Variants in ABCA13 observed in about 807,000 individuals in gnomAD.
The protein encoded by ABCA13 is ATP-binding cassette sub-family A member 13.
A neutral mutation model predicts 478.7 loss-of-function variants in ABCA13; 476 were observed. That is an observed-to-expected ratio of 0.99 (90% CI 0.92 to 1.07). The LOEUF (loss-of-function observed/expected upper bound fraction) is 1.07. ABCA13 is among the 50% of genes least tolerant of loss of function. The pLI is 0.00. For missense variants in ABCA13, 6,060 were observed against 5,910.6 expected (o/e 1.03, Z -0.83); for synonymous variants, 2,252 against 2,158.9 (o/e 1.04, Z -1.20).
intron 47 of ABCA13, 120 bp from the exon 48 acceptor site, chr7:48,489,116 C>G: frequency 1.4e-6 from 1 of 731,692 alleles, no homozygotes; most frequent in Non-Finnish European, 2.3e-6. Flanking sequence ...TACTTTGAAT[C>G]CTGCACTCAG....
At chr7:48,562,960 A>G (rs73111425) in intron 55 of ABCA13, among the ~76,000 whole-genome samples, 6 of 48,566 alleles carry the variant, frequency 1.2e-4, no homozygotes, top group African/African-American at 1.1e-3. Flanking sequence ...GTATGTGTGT[A>G]TATATATATA....
intron 23 of ABCA13, among the ~76,000 whole-genome samples, chr7:48,304,565 A>G (rs1409295530): frequency 2.0e-5 from 3 of 152,046 alleles, no homozygotes. Context: ...GCATTTCTCT[A>G]ATGATCAGCG....
At chr7:48,489,808 G>A (rs145203956) in intron 48 of ABCA13, among the ~76,000 whole-genome samples, 19 of 152,242 alleles carry the variant, frequency 1.2e-4, no homozygotes, top group Admixed American at 1.0e-3. Flanking sequence ...CATTATCTAT[G>A]CTTTCTTATT....
chr7:48,441,051 C>G (rs1000026649), intron 42 of ABCA13, among the ~76,000 whole-genome samples: 1 of 152,048 alleles, frequency 6.6e-6, no homozygotes, highest in Non-Finnish European at 1.5e-5. Flanking sequence ...AGAAGTAAGT[C>G]TAGGATGCAT....
At chr7:48,239,547 C>A in intron 9 of ABCA13, 142 bp downstream of exon 9, 1 of 962,516 alleles carries the variant, frequency 1.0e-6, no homozygotes, top group Non-Finnish European at 1.5e-6. Flanking sequence ...CACATCCTGG[C>A]CATTGAGTGC....
intron 54 of ABCA13, among the ~76,000 whole-genome samples, chr7:48,525,623 A>T (rs1056304005): frequency 6.9e-6 from 1 of 145,286 alleles, no homozygotes; most frequent in Non-Finnish European, 1.5e-5. Flanking sequence ...AATTAATGCT[A>T]TTAGGCTGAG....
In ABCA13 at chr7:48,455,146, C is replaced by G; in HGVS notation, c.12675C>G (p.Ser4225Arg). 1 of 1,576,688 alleles carries G rather than the reference C, an allele frequency of 6.3e-7. No individual in the cohort carries two copies. Among genetic ancestry groups the G allele is most frequent in the Non-Finnish European group, 8.6e-7 (1 of 1,161,596 alleles). The change falls in exon 43 of 62, where the codon AGC becomes AGG. Residue 4225 changes from serine to arginine, a missense_variant. Physicochemically the swap from Ser to Arg is moderately radical, Grantham distance 110. Around this residue, in one of 3 missense-constraint regions of ABCA13, gnomAD observed 1,627 missense variants for 1,571.0 expected, o/e 1.04. Transcript: ENST00000435803. Reference protein sequence around the residue: ...RLRRTLRAGKSTLADLLLPVL... With the variant: ...RLRRTLRAGKRTLADLLLPVL... ...GCCGCACGCTGCGCGCCGGGAAGAG[C>G]ACCCTCGCCGACCTGCTGCTGCCAG...
At chr7:48,543,356 G>T (rs1306186156) in intron 55 of ABCA13, among the ~76,000 whole-genome samples, 1 of 151,804 alleles carries the variant, frequency 6.6e-6, no homozygotes, top group Non-Finnish European at 1.5e-5. Context: ...GGGCACGGTG[G>T]CTCACGCCTG....
In ABCA13 at chr7:48,269,029, G is replaced by T; in HGVS notation, c.2055G>T (p.Met685Ile). 2 of 1,603,470 alleles carry T rather than the reference G, an allele frequency of 1.2e-6. No individual in the cohort carries two copies. The highest frequency in any genetic ancestry group is 1.1e-5 in the South Asian group (1 of 89,948). ...TTGAAGAAAACATGGATTGGAAAAT[G>T]ATCAGTGATAATTATTTTCAATTTT... is the stretch of plus-strand genomic sequence containing the variant. Reference protein sequence around the residue: ...PCFEENMDWKMISDNYFQFLN... With the variant: ...PCFEENMDWKIISDNYFQFLN... Residue 685 changes from methionine to isoleucine, a missense_variant, in exon 16 of 62, where the codon ATG (methionine) becomes ATT (isoleucine). By Grantham distance (10) the Met-to-Ile change is conservative. Coordinates refer to ENST00000435803, the MANE Select transcript of ABCA13 (RefSeq NM_152701.5).
chr7:48,614,598 T>C (rs889737873), intron 58 of ABCA13, among the ~76,000 whole-genome samples: 2 of 150,878 alleles, frequency 1.3e-5, no homozygotes, highest in Non-Finnish European at 3.0e-5. Context: ...ATGTTTATTG[T>C]GGCACTGTTC....
chr7:48,333,686 G>A (rs1164275198), intron 27 of ABCA13, among the ~76,000 whole-genome samples: 1 of 152,034 alleles, frequency 6.6e-6, no homozygotes, highest in African/African-American at 2.4e-5. Flanking sequence ...GATGCATCTG[G>A]GACTCCCTGA....
At chr7:48,512,687 G>A (rs1187507921) in intron 51 of ABCA13, among the ~76,000 whole-genome samples, 1 of 152,096 alleles carries the variant, frequency 6.6e-6, no homozygotes, top group Non-Finnish European at 1.5e-5. Context: ...TTGAAAACAC[G>A]CTTTTAGAAA....
At chr7:48,411,223 C>G (rs1819153371) in intron 40 of ABCA13, among the ~76,000 whole-genome samples, 1 of 143,880 alleles carries the variant, frequency 7.0e-6, no homozygotes. Context: ...CTTCCCTTCT[C>G]TTTCTCTTTC....
At chr7:48,352,133 C>T (rs1809107906) in intron 30 of ABCA13, 48 bp from the exon 31 acceptor site, 1 of 1,540,546 alleles carries the variant, frequency 6.5e-7, no homozygotes, top group Non-Finnish European at 8.8e-7. Context: ...TGGTTTGAGC[C>T]ACTCCCTACA....
intron 50 of ABCA13, among the ~76,000 whole-genome samples, chr7:48,509,636 A>G (rs1013134289): frequency 6.6e-6 from 1 of 152,182 alleles, no homozygotes; most frequent in Admixed American, 6.5e-5. Context: ...ATGGTTTTCC[A>G]TCTTCATCCA....
intron 3 of ABCA13, among the ~76,000 whole-genome samples, chr7:48,215,997 C>G (rs186851529): frequency 6.6e-6 from 1 of 152,272 alleles, no homozygotes; most frequent in East Asian, 1.9e-4. Flanking sequence ...AGGACAGTTT[C>G]TTTATCTTTT....
chr7:48,381,431 C>G (rs1015689600), intron 35 of ABCA13, among the ~76,000 whole-genome samples: 1 of 151,898 alleles, frequency 6.6e-6, no homozygotes, highest in African/African-American at 2.4e-5. Flanking sequence ...ACTTTTCTCT[C>G]GATTTTCTTT....
chr7:48,602,845 T>A (rs1563493191), intron 58 of ABCA13, among the ~76,000 whole-genome samples: 1 of 152,172 alleles, frequency 6.6e-6, no homozygotes, highest in Non-Finnish European at 1.5e-5. Context: ...TGATATTGAT[T>A]CTTCCTATCC....
chr7:48,597,083 C>G (rs1790368911), intron 58 of ABCA13, among the ~76,000 whole-genome samples: 1 of 151,906 alleles, frequency 6.6e-6, no homozygotes, highest in African/African-American at 2.4e-5. Context: ...TCCCGGGTAG[C>G]TGGGACTACA....
Sources: gnomAD v4.1 joint callset for allele counts (sites outside exome capture counted in the v4.1 genomes callset) on GRCh38, gnomAD v4.1.1 for gene constraint, gnomAD v4.1.1 regional missense constraint, MANE v1.5 for transcripts, NCBI Gene and HGNC (gene_info 2026-07-23, HGNC 2026-07-21) for gene names.